The following PIK3C3 variants were observed in gnomAD, a reference collection of about 807,000 sequenced individuals.
The protein encoded by PIK3C3 is PI3-kinase type 3.
PIK3C3 carries 95 observed loss-of-function variants against 126.1 expected under a neutral mutation model. The ratio of observed to expected loss-of-function variants is 0.75; its 90% CI spans 0.64 to 0.89. The LOEUF is 0.89. Among genes scored for constraint, PIK3C3 ranks in the 40% least tolerant of loss-of-function variants. PIK3C3 has a pLI of 0.00. For missense variants in PIK3C3, 829 were observed against 1,063.2 expected (o/e 0.78, Z 3.06); for synonymous variants, 374 against 360.0 (o/e 1.04, Z -0.44).
In PIK3C3 at chr18:42,038,979, T is replaced by C; in HGVS notation, c.2038+129T>C. The C allele has an allele frequency of 8.2e-6, 5 of 609,298 alleles. No homozygotes were observed. The South Asian group carries it at 1.0e-4, about 13-fold the overall frequency. 37.7% of individuals were successfully genotyped at this position (609,298 alleles called of 1,614,324 possible). On this transcript the variant is annotated intron_variant, in intron 18 of 24. Transcript: ENST00000262039. ...TGTAGCACTGAAGACAAGTTGGACCTTCCTGCCTGCTTCCCTTCTGTCTTT... is the reference window on the plus strand; with the variant it reads ...TGTAGCACTGAAGACAAGTTGGACCCTCCTGCCTGCTTCCCTTCTGTCTTT...
Position 42,085,404 on chromosome 18 carries a change from A to G in PIK3C3, c.*4267A>G, listed in dbSNP as rs1986378802. The G allele has an allele frequency of 6.6e-6, 1 of 152,206 alleles. No individual in the cohort carries two copies. The highest frequency in any genetic ancestry group is 2.4e-5 in the African/African-American group (1 of 41,464). The allele number at this position is 152,206 out of a possible 1,614,324, so 9.4% of individuals were successfully genotyped here. A position where few individuals can be genotyped will look rare whatever the true frequency, so the allele number is the denominator to read the frequency against. ...AAATAGTCTAGAAAAAAATTTAGGA[A>G]AAATTGCCATGAAATCATGAGCTAA... On this transcript the variant is annotated 3_prime_UTR_variant, in exon 25 of 25. Transcript: ENST00000262039.
chr18:42,013,760 T>C (rs1020350425), intron 11 of PIK3C3, among the ~76,000 whole-genome samples, 164 bp downstream of exon 11: 1 of 152,188 alleles, frequency 6.6e-6, no homozygotes, highest in Non-Finnish European at 1.5e-5. Context: ...GATTACTATA[T>C]TAGGGAATAG....
At chr18:41,969,769 G>A (rs928430702) in intron 3 of PIK3C3, among the ~76,000 whole-genome samples, 8 of 152,088 alleles carry the variant, frequency 5.3e-5, no homozygotes, top group African/African-American at 1.9e-4. Context: ...AATTTTTCCA[G>A]TTACCTTGTG....
chr18:42,002,742 T>G (rs1982348464), intron 9 of PIK3C3, among the ~76,000 whole-genome samples: 1 of 152,200 alleles, frequency 6.6e-6, no homozygotes, highest in Non-Finnish European at 1.5e-5. Context: ...CTTGAGCTTC[T>G]AAGAGTTTGT....
intron 1 of PIK3C3, among the ~76,000 whole-genome samples, chr18:41,955,901 A>G (rs529873432): frequency 6.6e-6 from 1 of 152,262 alleles, no homozygotes; most frequent in Admixed American, 6.5e-5. Context: ...TAAGTCGAAG[A>G]TGAGGGTTCC....
chr18:42,003,340 CAAAG>C (rs1388565068), intron 9 of PIK3C3, among the ~76,000 whole-genome samples: 1 of 152,116 alleles, frequency 6.6e-6, no homozygotes, highest in African/African-American at 2.4e-5. Context: ...CAGAGGAAGA[CAAAG>C]AAGAAGAAAA....
At chr18:42,080,090 G>A (rs1040735327) in intron 24 of PIK3C3, among the ~76,000 whole-genome samples, 37 of 151,828 alleles carry the variant, frequency 2.4e-4, no homozygotes, top group Non-Finnish European at 3.5e-4. Context: ...ATCTCCCACA[G>A]AATCTGAGAC....
chr18:41,966,945 A>G (rs1456057974), intron 3 of PIK3C3, among the ~76,000 whole-genome samples: 2 of 152,220 alleles, frequency 1.3e-5, no homozygotes, highest in African/African-American at 4.8e-5. Context: ...GTGCAAAAAG[A>G]CTAAATCACC....
chr18:41,957,663 C>T lies in PIK3C3; in HGVS notation c.162C>T (p.Cys54=). The change falls in exon 2 of 25, where the codon TGC becomes TGT. Residue 54 remains cysteine (C), a synonymous_variant. Coordinates refer to ENST00000262039, the MANE Select transcript of PIK3C3 (RefSeq NM_002647.4). ...TCTCAGGACTATATCAAGAGACATGCTCTGATCTTTATGTTACTTGTCAAG... is the reference window on the plus strand; with the variant it reads ...TCTCAGGACTATATCAAGAGACATGTTCTGATCTTTATGTTACTTGTCAAG... ...LKFSGLYQET[C]SDLYVTCQVF... is the part of the protein sequence containing the mutation. 1 of 1,613,896 alleles carries T rather than the reference C, an allele frequency of 6.2e-7. No homozygotes were observed. Among genetic ancestry groups the T allele is most frequent in the Non-Finnish European group, 8.5e-7 (1 of 1,179,860 alleles).
intron 3 of PIK3C3, among the ~76,000 whole-genome samples, chr18:41,964,526 A>G (rs559683188): frequency 1.2e-4 from 19 of 152,094 alleles, no homozygotes; most frequent in Non-Finnish European, 2.4e-4. Context: ...ATTATATCAT[A>G]TATTTATGTA....
intron 24 of PIK3C3, among the ~76,000 whole-genome samples, chr18:42,080,631 C>T (rs1157447540): frequency 1.4e-4 from 21 of 152,064 alleles, no homozygotes; most frequent in Admixed American, 1.4e-3. Context: ...AGTGTTGGCC[C>T]CAAAACAGCT....
At chr18:42,055,216 C>T (rs563405507) in intron 21 of PIK3C3, among the ~76,000 whole-genome samples, 15 of 152,016 alleles carry the variant, frequency 9.9e-5, no homozygotes, top group Non-Finnish European at 2.1e-4. Flanking sequence ...AAAAGAGCTT[C>T]GTACCTCCCC....
chr18:42,006,944 A>G (rs956059033), intron 10 of PIK3C3, among the ~76,000 whole-genome samples: 5 of 151,102 alleles, frequency 3.3e-5, no homozygotes, highest in African/African-American at 1.2e-4. Flanking sequence ...GCTCACTGAA[A>G]GCTCTGCCTC....
At chr18:41,989,866 T>C (rs1249671181) in intron 5 of PIK3C3, among the ~76,000 whole-genome samples, 1 of 152,210 alleles carries the variant, frequency 6.6e-6, no homozygotes, top group African/African-American at 2.4e-5. Flanking sequence ...CTTTTTTTTA[T>C]GTTGGAACAA....
intron 21 of PIK3C3, among the ~76,000 whole-genome samples, chr18:42,054,146 A>ATATATATATATC (rs1984937575): frequency 5.5e-5 from 1 of 18,260 alleles, no homozygotes; most frequent in Non-Finnish European, 1.1e-4. Flanking sequence ...ATATATATAT[A>ATATATATATATC]TATATATATA....
At chr18:42,019,980 T>A (rs1224882104) in intron 12 of PIK3C3, among the ~76,000 whole-genome samples, 1 of 152,042 alleles carries the variant, frequency 6.6e-6, no homozygotes, top group Non-Finnish European at 1.5e-5. Flanking sequence ...TATATTTGTC[T>A]CCTTTTCACC....
intron 6 of PIK3C3, among the ~76,000 whole-genome samples, chr18:41,991,749 TAGTG>T (rs1427617528): frequency 6.6e-6 from 1 of 152,192 alleles, no homozygotes; most frequent in African/African-American, 2.4e-5. Context: ...CCTTTCACGT[TAGTG>T]AAAGACTAGG....
intron 21 of PIK3C3, 147 bp downstream of exon 21, chr18:42,049,752 T>C: frequency 1.8e-6 from 1 of 570,868 alleles, no homozygotes; most frequent in South Asian, 2.0e-5. Context: ...GGCGGGTGGA[T>C]CACCTGAGGT....
At chr18:42,008,855 A>C (rs1266999931) in intron 10 of PIK3C3, among the ~76,000 whole-genome samples, 1 of 152,180 alleles carries the variant, frequency 6.6e-6, no homozygotes, top group Non-Finnish European at 1.5e-5. Flanking sequence ...AGAATATGTA[A>C]TGACCAAGAA....
Sources: gnomAD v4.1 joint callset for allele counts (sites outside exome capture counted in the v4.1 genomes callset) on GRCh38, gnomAD v4.1.1 for gene constraint, MANE v1.5 for transcripts, NCBI Gene and HGNC (gene_info 2026-07-23, HGNC 2026-07-21) for gene names.